FRS2: variants seen among roughly 807,000 people sequenced by gnomAD.
FRS2 encodes fibroblast growth factor receptor substrate 2, also known as FGFR signalling adaptor.
FRS2 carries 8 observed loss-of-function variants against 43.9 expected under a neutral mutation model. The observed-to-expected ratio is 0.18, with a 90% CI of 0.11 to 0.33. The LOEUF is 0.33. Ranked by LOEUF, FRS2 falls within the 10% of genes least tolerant of loss-of-function variation. The probability of loss-of-function intolerance (pLI) is 1.00; values close to 1 mark genes in which losing one functional copy is unlikely to be tolerated. For missense variants in FRS2, 534 were observed against 627.6 expected (o/e 0.85, Z 1.59); for synonymous variants, 219 against 220.3 (o/e 0.99, Z 0.05).
chr12:69,525,330 G>A (rs1876108415), intron 1 of FRS2, among the ~76,000 whole-genome samples: 1 of 152,192 alleles, frequency 6.6e-6, no homozygotes, highest in East Asian at 1.9e-4. Context: ...GGAAGGAAAG[G>A]AGAGAAAGAT....
intron 3 of FRS2, among the ~76,000 whole-genome samples, chr12:69,560,658 A>G (rs576191417): frequency 1.5e-4 from 23 of 152,190 alleles, no homozygotes; most frequent in Non-Finnish European, 2.9e-4. Flanking sequence ...ATTAAATGAG[A>G]TAATCCAAAT....
Position 69,478,218 on chromosome 12 carries a change from T to A in FRS2, c.-261+7688T>A, listed in dbSNP as rs573990377. Among the ~76,000 whole-genome samples, 20 of 151,874 alleles carry A rather than the reference T, an allele frequency of 1.3e-4. No individual in the cohort carries two copies. In the East Asian group the frequency reaches 3.1e-3, roughly 23 times the overall value. ...TTAAGGGGGATTTAATCCGTTAAAA[T>A]TTTTTTTTCTATTTAAGATTTTAAA... is the stretch of plus-strand genomic sequence containing the variant. On this transcript the variant is annotated intron_variant, in intron 1 of 8. Transcript: ENST00000549921.
chr12:69,500,717 T>C (rs902546024), intron 1 of FRS2, among the ~76,000 whole-genome samples: 1 of 152,162 alleles, frequency 6.6e-6, no homozygotes, highest in African/African-American at 2.4e-5. Flanking sequence ...AAGGAAGAAT[T>C]CCACCCCTTT....
chr12:69,563,556 C>T (rs1229548725), intron 4 of FRS2, among the ~76,000 whole-genome samples: 1 of 152,140 alleles, frequency 6.6e-6, no homozygotes, highest in Non-Finnish European at 1.5e-5. Context: ...GCCCTCTTAC[C>T]CTCTGACCGT....
intron 1 of FRS2, among the ~76,000 whole-genome samples, chr12:69,497,777 G>A (rs1873041467): frequency 6.6e-6 from 1 of 152,168 alleles, no homozygotes; most frequent in African/African-American, 2.4e-5. Context: ...GTTTCTTACT[G>A]TATTCAAGGA....
In FRS2 at chr12:69,570,360, G is replaced by A. The variant is rs1313216091; in HGVS notation, c.96G>A (p.Glu32=). 1 of 1,613,798 alleles carries A rather than the reference G, an allele frequency of 6.2e-7. No homozygotes were observed. Among genetic ancestry groups the A allele is most frequent in the Admixed American group, 1.7e-5 (1 of 60,000 alleles). Residue 32 remains glutamate (E), a synonymous_variant, in exon 6 of 9, where the codon GAG becomes GAA. Transcript: ENST00000549921. ...KVINVDDDGN[E]LGSGIMELTD... ...TTAATGTGGATGATGATGGGAATGAGTTAGGTTCTGGCATAATGGAACTTA... is the reference window on the plus strand; with the variant it reads ...TTAATGTGGATGATGATGGGAATGAATTAGGTTCTGGCATAATGGAACTTA...
At chr12:69,507,402 T>G (rs543786468) in intron 1 of FRS2, among the ~76,000 whole-genome samples, 6 of 152,348 alleles carry the variant, frequency 3.9e-5, no homozygotes, top group African/African-American at 1.4e-4. Context: ...TTTAATCTTT[T>G]TAAGCTTTTA....
intron 1 of FRS2, among the ~76,000 whole-genome samples, chr12:69,484,083 A>G (rs1194597326): frequency 2.0e-5 from 3 of 149,222 alleles, no homozygotes; most frequent in Non-Finnish European, 4.5e-5. Context: ...TTAATTGGAA[A>G]AGCTTTTCTT....
In FRS2 at chr12:69,527,003, C is replaced by G. The variant is rs552270447; in HGVS notation, c.-260-3862C>G. Among the ~76,000 whole-genome samples the G allele has an allele frequency of 5.9e-5, 9 of 152,264 alleles. No individual in the cohort carries two copies. In the South Asian group the frequency reaches 1.9e-3, roughly 32 times the overall value. Reference sequence around the variant, plus strand: ...CTCCCAAAGTGCTAGGATTACAGGCCTGAGCCACCGCGTCCAGCCAGTGCA... The same window carrying G: ...CTCCCAAAGTGCTAGGATTACAGGCGTGAGCCACCGCGTCCAGCCAGTGCA... On this transcript the variant is annotated intron_variant, in intron 1 of 8. Coordinates refer to ENST00000549921, the MANE Select transcript of FRS2 (RefSeq NM_001278356.2).
At chr12:69,562,973 G>T (rs767666237) in intron 4 of FRS2, among the ~76,000 whole-genome samples, 25 of 152,166 alleles carry the variant, frequency 1.6e-4, no homozygotes, top group Non-Finnish European at 2.9e-4. Context: ...GATTACAGGT[G>T]TGAGCCACCA....
rs527803979 is a variant in FRS2, at chr12:69,477,573, C to T, written c.-261+7043C>T. ...CTGGGATTACAGGCGTGAGCCACCGCGCCCGGCCTAAAATACTCTTAACTA... is the reference window on the plus strand; with the variant it reads ...CTGGGATTACAGGCGTGAGCCACCGTGCCCGGCCTAAAATACTCTTAACTA... On this transcript the variant is annotated intron_variant, in intron 1 of 8. Transcript: ENST00000549921. Among the ~76,000 whole-genome samples, 29 of 151,572 alleles carry T rather than the reference C, an allele frequency of 1.9e-4. 1 individual carries two copies. Among genetic ancestry groups the T allele is most frequent in the African/African-American group, 4.1e-4 (17 of 41,066 alleles).
chr12:69,569,513 T>C (rs2135804433), intron 5 of FRS2, among the ~76,000 whole-genome samples: 1 of 152,326 alleles, frequency 6.6e-6, no homozygotes, highest in South Asian at 2.1e-4. Flanking sequence ...ACCTCTTTGC[T>C]AAAATTGTGT....
rs1403261674 is a variant in FRS2, at chr12:69,575,178, G to A, written c.*223G>A. Reference sequence around the variant, plus strand: ...CTACTCGTTGTACAGCAGCATTCCCGTTTTCACAGTGCCTATTTAAAATGA... The same window carrying A: ...CTACTCGTTGTACAGCAGCATTCCCATTTTCACAGTGCCTATTTAAAATGA... On this transcript the variant is annotated 3_prime_UTR_variant, in exon 9 of 9. Coordinates refer to ENST00000549921, the MANE Select transcript of FRS2 (RefSeq NM_001278356.2). 13 of 456,592 alleles carry A rather than the reference G, an allele frequency of 2.8e-5. No homozygotes were observed. Among genetic ancestry groups the A allele is most frequent in the South Asian group, 1.0e-4 (2 of 19,286 alleles). 28.3% of individuals were successfully genotyped at this position (456,592 alleles called of 1,614,324 possible).
chr12:69,515,896 C>G (rs188991415), intron 1 of FRS2, among the ~76,000 whole-genome samples: 19 of 149,648 alleles, frequency 1.3e-4, no homozygotes, highest in African/African-American at 4.7e-4. Flanking sequence ...ACCCCCACCC[C>G]CACACACTGC....
chr12:69,485,107 A>ACGCG lies in FRS2; in HGVS notation c.-261+14578_-261+14579insGCGC, dbSNP rs1565717146. Among the ~76,000 whole-genome samples, 94 of 147,262 alleles carry ACGCG rather than the reference A, an allele frequency of 6.4e-4. 4 individuals are homozygous for ACGCG. The highest frequency in any genetic ancestry group is 1.8e-3 in the East Asian group (9 of 4,984). On this transcript the variant is annotated intron_variant, in intron 1 of 8. Coordinates refer to ENST00000549921, the MANE Select transcript of FRS2 (RefSeq NM_001278356.2). The stretch of plus-strand genomic sequence containing the variant: ...AACACACACACACACACACACACAC[A>ACGCG]CACACACACACACACACACACACAC...
intron 1 of FRS2, among the ~76,000 whole-genome samples, chr12:69,497,338 A>G (rs370354637): frequency 1.3e-5 from 2 of 152,338 alleles, no homozygotes; most frequent in African/African-American, 4.8e-5. Flanking sequence ...TAGCTTATAC[A>G]TAACAGATTT....
chr12:69,482,739 T>C (rs1292299762), intron 1 of FRS2, among the ~76,000 whole-genome samples: 2 of 152,242 alleles, frequency 1.3e-5, no homozygotes, highest in Non-Finnish European at 2.9e-5. Flanking sequence ...TTCCGAGGGC[T>C]CTTGCTTAAT....
intron 1 of FRS2, among the ~76,000 whole-genome samples, chr12:69,474,635 A>C (rs186915899): frequency 6.2e-4 from 95 of 152,320 alleles, no homozygotes; most frequent in Admixed American, 1.5e-3. Flanking sequence ...ATACTATGCT[A>C]TCTTTACCCT....
chr12:69,555,488 T>C (rs1205573091), intron 3 of FRS2, among the ~76,000 whole-genome samples: 2 of 152,224 alleles, frequency 1.3e-5, no homozygotes, highest in African/African-American at 4.8e-5. Flanking sequence ...GGTAAACTTT[T>C]TGTTGTTGGC....
Sources: gnomAD v4.1 joint callset for allele counts (sites outside exome capture counted in the v4.1 genomes callset) on GRCh38, gnomAD v4.1.1 for gene constraint, MANE v1.5 for transcripts, NCBI Gene and HGNC (gene_info 2026-07-23, HGNC 2026-07-21) for gene names.